The following FASTKD2 variants were observed in gnomAD, a reference collection of about 807,000 sequenced individuals.
FASTKD2 encodes FAST kinase domains 2, also known as FAST kinase domain-containing protein 2, mitochondrial.
A neutral mutation model predicts 63.6 loss-of-function variants in FASTKD2; 51 were observed. That is an observed-to-expected ratio of 0.80 (90% CI 0.64 to 1.01). The LOEUF is 1.01. Among genes scored for constraint, FASTKD2 ranks in the 50% least tolerant of loss-of-function variants. The pLI is 0.00. For synonymous variants in FASTKD2, 284 were observed against 293.4 expected, an observed-to-expected ratio of 0.97 and a Z score of 0.33; for missense variants, 786 against 831.1, an observed-to-expected ratio of 0.95 and a Z score of 0.67.
chr2:206,766,346 T>G (rs966408433), intron 1 of FASTKD2, among the ~76,000 whole-genome samples: 2 of 151,360 alleles, frequency 1.3e-5, no homozygotes, highest in Non-Finnish European at 2.9e-5. Flanking sequence ...CCGAGGACAT[T>G]TCCATAACAA....
Position 206,792,130 on chromosome 2 carries a change from T to C in FASTKD2, c.*328T>C, listed in dbSNP as rs2241346. The C allele has an allele frequency of 1.1e-3, 373 of 348,174 alleles. 2 individuals carry two copies. The highest frequency in any genetic ancestry group is 2.7e-3 in the East Asian group (37 of 13,554). 21.6% of individuals were successfully genotyped at this position (348,174 alleles called of 1,614,324 possible). ...GTGAGGTGTCACAGGCAGGTTGATG[T>C]GGGTAGTAGTCCTTGTCTTTGGAAT... On this transcript the variant is annotated 3_prime_UTR_variant, in exon 12 of 12. Coordinates refer to ENST00000402774, the MANE Select transcript of FASTKD2 (RefSeq NM_001136193.2).
intron 7 of FASTKD2, among the ~76,000 whole-genome samples, chr2:206,781,591 C>G (rs1302477723): frequency 2.0e-5 from 3 of 151,892 alleles, no homozygotes; most frequent in Non-Finnish European, 2.9e-5. Flanking sequence ...GCTGGGATTA[C>G]AGGCATGAGC....
At chr2:206,787,746 T>C (rs1043203539) in intron 8 of FASTKD2, among the ~76,000 whole-genome samples, 191 bp from the exon 9 acceptor site, 1 of 152,190 alleles carries the variant, frequency 6.6e-6, no homozygotes, top group African/African-American at 2.4e-5. Flanking sequence ...GTGCAGGGCT[T>C]TGATTTAGAC....
rs1690259188 is a variant in FASTKD2 at position 206,790,642 on chromosome 2, A to G, written c.1969A>G (p.Met657Val). ...GSSHPRGFLA[M>V]KMRHLNAMGF... The stretch of plus-strand genomic sequence containing the variant: ...AAGCCACCCCAGAGGATTCCTTGCT[A>G]TGAAAATGCGGCATTTGAATGCAAT... The change falls in exon 11 of 12, where the codon ATG becomes GTG. Residue 657 changes from methionine to valine, a missense_variant. Transcript: ENST00000402774. The G allele has an allele frequency of 1.2e-6, 2 of 1,613,368 alleles. No homozygotes were observed. Among genetic ancestry groups the G allele is most frequent in the East Asian group, 4.5e-5 (2 of 44,852 alleles).
intron 7 of FASTKD2, among the ~76,000 whole-genome samples, chr2:206,779,425 G>A (rs1334512145): frequency 6.6e-6 from 1 of 152,114 alleles, no homozygotes; most frequent in Non-Finnish European, 1.5e-5. Context: ...AAAGAAAAGA[G>A]GTTTAATTGA....
chr2:206,774,182 C>G (rs1438681020), intron 6 of FASTKD2, 43 bp from the exon 7 acceptor site: 1 of 1,375,278 alleles, frequency 7.3e-7, no homozygotes, highest in African/African-American at 1.4e-5. Flanking sequence ...TATTAGCATA[C>G]TGTAATTATT....
chr2:206,772,348 C>A, intron 6 of FASTKD2, 28 bp downstream of exon 6: 1 of 1,607,352 alleles, frequency 6.2e-7, no homozygotes, highest in Non-Finnish European at 8.5e-7. Context: ...TTAGAATAAG[C>A]CTCACAAACT....
intron 8 of FASTKD2, among the ~76,000 whole-genome samples, chr2:206,787,561 T>G (rs1197533776): frequency 6.6e-6 from 1 of 152,218 alleles, no homozygotes; most frequent in African/African-American, 2.4e-5. Flanking sequence ...GTGCTGGTTT[T>G]TCAGGCAGTG....
In FASTKD2 at chr2:206,788,810, T is replaced by A. The variant is rs1690205821; in HGVS notation, c.1814-9T>A. 7.2e-7 allele frequency: 1 copy of A among 1,389,634 alleles called. No homozygotes were observed. Among genetic ancestry groups the A allele is most frequent in the African/African-American group, 1.4e-5 (1 of 70,554 alleles). The allele number at this position is 1,389,634 out of a possible 1,614,324, so 86.1% of individuals were successfully genotyped here. The stretch of plus-strand genomic sequence containing the variant: ...GTTTGAAAAATTAATATCAATTCTT[T>A]CCTTTCAGATTTTGAAATCAGAATG... On this transcript the variant is annotated splice_polypyrimidine_tract_variant and intron_variant, in intron 9 of 11. Transcript: ENST00000402774.
In FASTKD2 at chr2:206,765,703, A is replaced by G. The variant is rs906348634; in HGVS notation, c.-95A>G. 1 of 190,312 alleles carries G rather than the reference A, an allele frequency of 5.3e-6. No homozygotes were observed. Among genetic ancestry groups the G allele is most frequent in the African/African-American group, 2.4e-5 (1 of 42,142 alleles). The allele number at this position is 190,312 out of a possible 1,614,324, so 11.8% of individuals were successfully genotyped here. On this transcript the variant is annotated 5_prime_UTR_variant, in exon 1 of 12. Transcript: ENST00000402774. ...TTAGCGGCAGCCCGTATCACATCCT[A>G]GACTTTTTACTTCGAGGAGAAGAGT...
intron 7 of FASTKD2, among the ~76,000 whole-genome samples, chr2:206,784,692 G>T (rs1690090431): frequency 6.6e-6 from 1 of 152,196 alleles, no homozygotes; most frequent in African/African-American, 2.4e-5. Context: ...CATCCCAGAA[G>T]TGTCTCAAGT....
intron 10 of FASTKD2, 157 bp downstream of exon 10, chr2:206,789,060 A>T: frequency 1.5e-6 from 1 of 657,130 alleles, no homozygotes; most frequent in South Asian, 1.7e-5. Context: ...ACTCCTTAGA[A>T]AGTGTAAATG....
intron 7 of FASTKD2, among the ~76,000 whole-genome samples, chr2:206,775,510 A>AT (rs969422539): frequency 4.8e-4 from 70 of 146,610 alleles, no homozygotes; most frequent in Admixed American, 6.0e-4. Flanking sequence ...GTTTGCTAGT[A>AT]TTTTTTTTGA....
intron 10 of FASTKD2, chr2:206,789,134 T>C (rs966239065): frequency 4.0e-6 from 2 of 506,200 alleles, no homozygotes; most frequent in African/African-American, 3.9e-5. Context: ...GACATTTTTT[T>C]AAAATTAGGT....
intron 7 of FASTKD2, among the ~76,000 whole-genome samples, chr2:206,775,657 C>T (rs1031239373): frequency 2.0e-5 from 3 of 151,946 alleles, no homozygotes; most frequent in African/African-American, 7.2e-5. Context: ...GAAGTATTCC[C>T]TCCTTCTCTG....
intron 3 of FASTKD2, among the ~76,000 whole-genome samples, chr2:206,770,436 A>G (rs1028716641): frequency 2.0e-5 from 3 of 152,144 alleles, no homozygotes; most frequent in African/African-American, 4.8e-5. Context: ...TGAAATCTAA[A>G]TTAATTTATT....
At position 206,792,706 on chromosome 2, in the gene FASTKD2, C is replaced by T. The variant is rs1285392691; in HGVS notation, c.*904C>T. On this transcript the variant is annotated 3_prime_UTR_variant, in exon 12 of 12. Transcript: ENST00000402774. ...TGGTGTTATTCTGCCCCCAAGCACA[C>T]AGACATGCAATTACTAGACATCTTA... 6.6e-6 allele frequency among the ~76,000 whole-genome samples: 1 copy of T among 152,212 alleles called. No homozygotes were observed. Among genetic ancestry groups the T allele is most frequent in the Non-Finnish European group, 1.5e-5 (1 of 68,044 alleles).
chr2:206,786,047 A>G (rs1262578528), intron 7 of FASTKD2, among the ~76,000 whole-genome samples: 1 of 152,204 alleles, frequency 6.6e-6, no homozygotes, highest in Non-Finnish European at 1.5e-5. Context: ...GCGAGATCAC[A>G]GTACTTTGCA....
At chr2:206,770,327 A>G (rs1689637558) in intron 3 of FASTKD2, 133 bp downstream of exon 3, 2 of 711,726 alleles carry the variant, frequency 2.8e-6, no homozygotes, top group Admixed American at 4.1e-5. Flanking sequence ...TGGTAGTTAC[A>G]GTCTTTCATA....
Sources: allele counts gnomAD v4.1 joint callset (sites outside exome capture counted in the v4.1 genomes callset), GRCh38; gene constraint gnomAD v4.1.1; transcripts MANE v1.5; gene names NCBI Gene and HGNC (gene_info 2026-07-23, HGNC 2026-07-21).